Variants in NPAS3 observed in about 807,000 individuals in gnomAD.
The protein encoded by NPAS3 is neuronal PAS domain protein 3, also known as neuronal PAS domain-containing protein 3.
NPAS3 carries 14 observed loss-of-function variants against 73.1 expected under a neutral mutation model. The ratio of observed to expected loss-of-function variants is 0.19; its 90% CI spans 0.13 to 0.30. The LOEUF (loss-of-function observed/expected upper bound fraction) is 0.30, where lower values mean the gene tolerates loss of function less well. Among genes scored for constraint, NPAS3 ranks in the 10% least tolerant of loss-of-function variants. The pLI is 1.00. For missense variants in NPAS3, 1,096 were observed against 1,250.0 expected, an observed-to-expected ratio of 0.88 and a Z score of 1.86; for synonymous variants, 620 against 541.5, an observed-to-expected ratio of 1.14 and a Z score of -2.01.
intron 5 of NPAS3, among the ~76,000 whole-genome samples, chr14:33,618,125 C>T (rs2057975105): frequency 6.6e-6 from 1 of 152,110 alleles, no homozygotes; most frequent in Admixed American, 6.6e-5. Context: ...AAATCTTGTT[C>T]TGTACATGTT....
chr14:33,274,959 C>T (rs921481118), intron 3 of NPAS3, among the ~76,000 whole-genome samples: 1 of 152,178 alleles, frequency 6.6e-6, no homozygotes, highest in East Asian at 1.9e-4. Context: ...CATAGATGCA[C>T]GATAGTGGCA....
chr14:33,471,533 G>A (rs575017932), intron 4 of NPAS3, among the ~76,000 whole-genome samples: 16 of 152,172 alleles, frequency 1.1e-4, no homozygotes, highest in South Asian at 6.2e-4. Context: ...TATTGCCCCC[G>A]GATGTGGAAC....
At chr14:33,540,403 T>G in intron 4 of NPAS3, among the ~76,000 whole-genome samples, 1 of 152,232 alleles carries the variant, frequency 6.6e-6, no homozygotes, top group East Asian at 1.9e-4. Context: ...TATTATTGCC[T>G]TGTGCAGCCA....
At chr14:33,658,191 G>A (rs1300310857) in intron 5 of NPAS3, among the ~76,000 whole-genome samples, 2 of 152,220 alleles carry the variant, frequency 1.3e-5, no homozygotes, top group African/African-American at 4.8e-5. Context: ...ATCAGAGGAA[G>A]CAAAGATTGC....
At chr14:33,765,861 C>T (rs11156813) in intron 7 of NPAS3, among the ~76,000 whole-genome samples, 6 of 152,042 alleles carry the variant, frequency 3.9e-5, no homozygotes, top group Non-Finnish European at 7.4e-5. Flanking sequence ...TGCTGTTATG[C>T]GGATTCCCAG....
rs528312537 is a variant in NPAS3, at chr14:33,792,899, G to A, written c.1154-998G>A. The stretch of plus-strand genomic sequence containing the variant: ...GCCAGCCGGTGAGCTTTCGCGGGGC[G>A]CCGAGTTGCTGCGATCCGCAGCCAA... On this transcript the variant is annotated intron_variant, in intron 9 of 11. Coordinates refer to ENST00000356141, the Ensembl canonical transcript of NPAS3. Among the ~76,000 whole-genome samples the A allele has an allele frequency of 6.6e-5, 10 of 152,340 alleles. No homozygotes were observed. The South Asian group carries it at 1.0e-3, about 16-fold the overall frequency.
intron 3 of NPAS3, among the ~76,000 whole-genome samples, chr14:33,218,268 G>A (rs553890390): frequency 4.6e-5 from 7 of 152,176 alleles, no homozygotes; most frequent in African/African-American, 1.7e-4. Context: ...CTGGTGATAG[G>A]TTAGAAATAA....
At chr14:33,416,979 T>C (rs1034643748) in intron 4 of NPAS3, among the ~76,000 whole-genome samples, 11 of 152,026 alleles carry the variant, frequency 7.2e-5, no homozygotes, top group African/African-American at 2.7e-4. Flanking sequence ...GTGGCTTTGC[T>C]CTTTGCTTTT....
chr14:33,286,862 G>A (rs1383784342), intron 3 of NPAS3, among the ~76,000 whole-genome samples: 1 of 152,154 alleles, frequency 6.6e-6, no homozygotes, highest in Non-Finnish European at 1.5e-5. Flanking sequence ...CTTTGATGCA[G>A]TGAAAATATG....
Position 33,004,080 on chromosome 14 carries a change from G to A in NPAS3, c.51-51825G>A, listed in dbSNP as rs553373573. Among the ~76,000 whole-genome samples the A allele has an allele frequency of 4.1e-4, 63 of 152,242 alleles. 1 individual carries two copies. Among genetic ancestry groups the A allele is most frequent in the African/African-American group, 1.4e-3 (58 of 41,542 alleles). On this transcript the variant is annotated intron_variant, in intron 1 of 11. Coordinates refer to ENST00000356141, the Ensembl canonical transcript of NPAS3. ...GTTATGCAATCATTATTAGGGGTGT[G>A]TAAAGATTAAATGAATTATTAATAG... is the stretch of plus-strand genomic sequence containing the variant.
intron 4 of NPAS3, among the ~76,000 whole-genome samples, chr14:33,554,996 AAATTAT>A (rs1190436914): frequency 6.6e-6 from 1 of 152,152 alleles, no homozygotes; most frequent in Admixed American, 6.5e-5. Context: ...CAGGGGATAT[AAATTAT>A]AATTACAGGC....
intron 6 of NPAS3, among the ~76,000 whole-genome samples, chr14:33,676,602 A>G (rs1423209905): frequency 6.6e-6 from 1 of 152,224 alleles, no homozygotes; most frequent in Non-Finnish European, 1.5e-5. Flanking sequence ...CAGTTGAACA[A>G]TACATGTAGA....
At chr14:33,360,037 A>T (rs914231432) in intron 3 of NPAS3, among the ~76,000 whole-genome samples, 24 of 152,170 alleles carry the variant, frequency 1.6e-4, no homozygotes, top group Non-Finnish European at 3.2e-4. Flanking sequence ...CTGGACAGGG[A>T]TCTGTGCTAC....
intron 2 of NPAS3, among the ~76,000 whole-genome samples, chr14:33,198,535 C>A (rs990235887): frequency 6.6e-6 from 1 of 152,292 alleles, no homozygotes; most frequent in Non-Finnish European, 1.5e-5. Context: ...GTTTGCAAAC[C>A]TTGAGCTAGA....
At chr14:33,801,025 C>A in exon 12 of NPAS3, 1 of 1,590,872 alleles carries the variant, frequency 6.3e-7, no homozygotes, top group Non-Finnish European at 8.6e-7. Flanking sequence ...TCACCACGGC[C>A]GAGGGACTCT....
At chr14:32,966,603 T>TG (rs2037172521) in intron 1 of NPAS3, among the ~76,000 whole-genome samples, 1 of 74,910 alleles carries the variant, frequency 1.3e-5, no homozygotes, top group Non-Finnish European at 3.1e-5. Flanking sequence ...ACCCCGTCTC[T>TG]ACTAAAAATA....
chr14:33,433,207 G>T (rs932546111), intron 4 of NPAS3, among the ~76,000 whole-genome samples: 2 of 152,050 alleles, frequency 1.3e-5, no homozygotes, highest in Admixed American at 1.3e-4. Context: ...TATAGAAATG[G>T]TATGTTTTTC....
At chr14:33,180,458 CAT>C (rs2045749986) in intron 2 of NPAS3, among the ~76,000 whole-genome samples, 1 of 152,056 alleles carries the variant, frequency 6.6e-6, no homozygotes, top group African/African-American at 2.4e-5. Context: ...TAAGAAAGCA[CAT>C]GTTCTTAATG....
At chr14:33,404,498 T>C (rs1594845971) in intron 4 of NPAS3, among the ~76,000 whole-genome samples, 1 of 152,242 alleles carries the variant, frequency 6.6e-6, no homozygotes, top group South Asian at 2.1e-4. Flanking sequence ...TTTTTCCTTC[T>C]CTTTAGATCT....
Sources: allele counts gnomAD v4.1 joint callset (sites outside exome capture counted in the v4.1 genomes callset), GRCh38; gene constraint gnomAD v4.1.1; transcripts MANE v1.5; gene names NCBI Gene and HGNC (gene_info 2026-07-23, HGNC 2026-07-21).